ADGRB3: variants seen among roughly 807,000 people sequenced by gnomAD.
The protein encoded by ADGRB3 is brain-specific angiogenesis inhibitor 3.
ADGRB3 carries 37 observed loss-of-function variants against 193.4 expected under a neutral mutation model. The ratio of observed to expected loss-of-function variants is 0.19; its 90% CI spans 0.15 to 0.25. The LOEUF is 0.25. Among genes scored for constraint, ADGRB3 ranks in the 10% least tolerant of loss-of-function variants. The probability of loss-of-function intolerance (pLI) is 1.00; values close to 1 mark genes in which losing one functional copy is unlikely to be tolerated. For missense variants in ADGRB3, 1,637 were observed against 1,852.9 expected (o/e 0.88, Z 2.14); for synonymous variants, 690 against 644.2 (o/e 1.07, Z -1.08).
intron 30 of ADGRB3, among the ~76,000 whole-genome samples, chr6:69,375,224 A>G (rs1456098873): frequency 6.6e-6 from 1 of 152,132 alleles, no homozygotes; most frequent in African/African-American, 2.4e-5. Context: ...TTGTTTCAGC[A>G]CAGAATGATT....
intron 12 of ADGRB3, among the ~76,000 whole-genome samples, chr6:69,017,027 A>C (rs1227834104): frequency 6.6e-6 from 1 of 151,928 alleles, no homozygotes; most frequent in Non-Finnish European, 1.5e-5. Flanking sequence ...TGGGCTTTCG[A>C]AATTCATGTT....
chr6:68,766,739 A>C (rs944137330), intron 3 of ADGRB3, among the ~76,000 whole-genome samples: 4 of 152,098 alleles, frequency 2.6e-5, no homozygotes, highest in Admixed American at 6.6e-5. Flanking sequence ...AGAATTTACT[A>C]GTCAAACTTG....
chr6:69,190,735 T>C (rs1302051770), intron 17 of ADGRB3, among the ~76,000 whole-genome samples: 1 of 152,154 alleles, frequency 6.6e-6, no homozygotes, highest in Non-Finnish European at 1.5e-5. Flanking sequence ...CAACTTCCAG[T>C]CCTGCAAGCT....
Position 69,327,807 on chromosome 6 carries a change from G to T in ADGRB3, c.2966-13G>T. The stretch of plus-strand genomic sequence containing the variant: ...TAGCTAAATATGAATGCGTGACATT[G>T]CTTTTCTTGCAGGTTTACCAGCATT... On this transcript the variant is annotated splice_polypyrimidine_tract_variant and intron_variant, in intron 21 of 31. Transcript: ENST00000370598. The T allele has an allele frequency of 6.2e-7, 1 of 1,604,164 alleles. No individual in the cohort carries two copies. Among genetic ancestry groups the T allele is most frequent in the Non-Finnish European group, 8.5e-7 (1 of 1,172,792 alleles).
intron 20 of ADGRB3, among the ~76,000 whole-genome samples, chr6:69,278,396 C>T (rs562832061): frequency 1.7e-4 from 26 of 152,248 alleles, no homozygotes; most frequent in African/African-American, 3.4e-4. Flanking sequence ...CCTTATGATG[C>T]GTAACAGCAG....
At chr6:69,021,517 A>G (rs182305239) in intron 13 of ADGRB3, among the ~76,000 whole-genome samples, 1 of 152,048 alleles carries the variant, frequency 6.6e-6, no homozygotes, top group Admixed American at 6.6e-5. Flanking sequence ...TATTAGAGGC[A>G]CATGTATAGC....
At chr6:68,990,433 A>G (rs1404689516) in intron 10 of ADGRB3, among the ~76,000 whole-genome samples, 1 of 152,138 alleles carries the variant, frequency 6.6e-6, no homozygotes, top group Non-Finnish European at 1.5e-5. Flanking sequence ...AAGGATGCTA[A>G]TCAGTGCCAA....
intron 3 of ADGRB3, among the ~76,000 whole-genome samples, chr6:68,646,984 G>T (rs936044240): frequency 6.6e-6 from 1 of 152,122 alleles, no homozygotes; most frequent in Non-Finnish European, 1.5e-5. Context: ...AGGGAATTTG[G>T]GTTGGAAACT....
chr6:69,150,112 C>T (rs939929503), intron 17 of ADGRB3, among the ~76,000 whole-genome samples: 1 of 152,144 alleles, frequency 6.6e-6, no homozygotes, highest in African/African-American at 2.4e-5. Flanking sequence ...TACCTGAATA[C>T]TGCCTATGTT....
intron 10 of ADGRB3, among the ~76,000 whole-genome samples, chr6:68,989,845 C>T (rs1306197680): frequency 2.0e-5 from 3 of 151,972 alleles, no homozygotes; most frequent in Non-Finnish European, 4.4e-5. Context: ...AATTTTGTAC[C>T]TCTGATATTG....
chr6:69,032,457 A>G (rs1770741752), intron 13 of ADGRB3, among the ~76,000 whole-genome samples: 1 of 152,236 alleles, frequency 6.6e-6, no homozygotes, highest in South Asian at 2.1e-4. Context: ...TAAATATAAA[A>G]AACAATCCCA....
intron 3 of ADGRB3, among the ~76,000 whole-genome samples, chr6:68,675,351 C>T (rs1769064259): frequency 6.6e-6 from 1 of 151,862 alleles, no homozygotes; most frequent in African/African-American, 2.4e-5. Context: ...CAAAGTAGAA[C>T]ATAGTGAAAC....
intron 3 of ADGRB3, among the ~76,000 whole-genome samples, chr6:68,743,688 G>T (rs1766025765): frequency 2.6e-5 from 4 of 152,000 alleles, no homozygotes; most frequent in Admixed American, 2.6e-4. Context: ...CTCAGAACTT[G>T]CCAGAAAAAT....
At chr6:68,790,139 T>G (rs1414250025) in intron 3 of ADGRB3, among the ~76,000 whole-genome samples, 1 of 152,202 alleles carries the variant, frequency 6.6e-6, no homozygotes, top group Admixed American at 6.5e-5. Context: ...ATCTGAAGCC[T>G]TCTTCTCTCA....
At chr6:69,104,807 CAATT>C (rs1773164009) in intron 17 of ADGRB3, among the ~76,000 whole-genome samples, 1 of 151,986 alleles carries the variant, frequency 6.6e-6, no homozygotes, top group South Asian at 2.1e-4. Flanking sequence ...TATATTTAAA[CAATT>C]AATTTGTAGT....
intron 13 of ADGRB3, among the ~76,000 whole-genome samples, chr6:69,020,841 G>A (rs977741536): frequency 6.6e-6 from 1 of 151,982 alleles, no homozygotes; most frequent in African/African-American, 2.4e-5. Context: ...GTATTCAGGA[G>A]TTTTCCAAAT....
At chr6:69,341,042 T>A (rs555909491) in intron 26 of ADGRB3, among the ~76,000 whole-genome samples, 22 of 152,342 alleles carry the variant, frequency 1.4e-4, no homozygotes, top group Non-Finnish European at 3.1e-4. Flanking sequence ...TGGTTCCAAG[T>A]TTTTGCTATT....
chr6:69,322,169 C>A (rs546771071), intron 20 of ADGRB3, among the ~76,000 whole-genome samples: 87 of 152,062 alleles, frequency 5.7e-4, no homozygotes, highest in African/African-American at 2.0e-3. Context: ...CATGTTCCTG[C>A]AAAGGATATG....
intron 26 of ADGRB3, among the ~76,000 whole-genome samples, chr6:69,353,875 C>A (rs190243689): frequency 6.6e-6 from 1 of 152,016 alleles, no homozygotes; most frequent in African/African-American, 2.4e-5. Context: ...ACCAGCCTGA[C>A]CAACATGGAG....
Sources: gnomAD v4.1 joint callset for allele counts (sites outside exome capture counted in the v4.1 genomes callset) on GRCh38, gnomAD v4.1.1 for gene constraint, MANE v1.5 for transcripts, NCBI Gene and HGNC (gene_info 2026-07-23, HGNC 2026-07-21) for gene names.